The following BNC2 variants were observed in gnomAD, a reference collection of about 807,000 sequenced individuals.
The protein encoded by BNC2 is zinc finger protein basonuclin-2.
In BNC2, 20 loss-of-function variants were observed where a neutral mutation model predicts 76.3. That is an observed-to-expected ratio of 0.26 (90% CI 0.18 to 0.38). The LOEUF (loss-of-function observed/expected upper bound fraction) is 0.38. BNC2 is among the 10% of genes least tolerant of loss of function. The probability of loss-of-function intolerance (pLI) is 1.00; values close to 1 mark genes in which losing one functional copy is unlikely to be tolerated. For synonymous variants in BNC2, 582 were observed against 514.8 expected, an observed-to-expected ratio of 1.13 and a Z score of -1.77; for missense variants, 1,382 against 1,399.8, an observed-to-expected ratio of 0.99 and a Z score of 0.20.
Position 16,582,503 on chromosome 9 carries a change from G to A in BNC2, c.433+480C>T, listed in dbSNP as rs570397701. On this transcript the variant is annotated intron_variant, in intron 4 of 6. Coordinates refer to ENST00000380672, the MANE Select transcript of BNC2 (RefSeq NM_017637.6). ...CAGATACCAGCCAAATAATGTTCCC[G>A]TTCACTCTCTCGTCCACCTGAGACC... 1.2e-4 allele frequency among the ~76,000 whole-genome samples: 18 copies of A among 152,220 alleles called. No individual in the cohort carries two copies. In the South Asian group the frequency reaches 2.5e-3, roughly 21 times the overall value.
At position 16,487,793 on chromosome 9, in the gene BNC2, A is replaced by C. The variant is rs151173095; in HGVS notation, c.670-50269T>G. Among the ~76,000 whole-genome samples the C allele has an allele frequency of 2.8e-4, 42 of 152,346 alleles. No individual in the cohort carries two copies. In the East Asian group the frequency reaches 8.1e-3, roughly 29 times the overall value. ...ATAAACATTTCTCTGGGTCCCCCTTAACAAGGAAAGCAGCCATATGAAATA... is the reference window on the plus strand; with the variant it reads ...ATAAACATTTCTCTGGGTCCCCCTTCACAAGGAAAGCAGCCATATGAAATA... On this transcript the variant is annotated intron_variant, in intron 5 of 6. Transcript: ENST00000380672.
rs1269374500 is a variant in BNC2 at position 16,412,928 on chromosome 9, C to T, written c.*6061G>A. 6.6e-6 allele frequency: 1 copy of T among 152,658 alleles called. No homozygotes were observed. Among genetic ancestry groups the T allele is most frequent in the African/African-American group, 2.4e-5 (1 of 41,458 alleles). 9.5% of individuals were successfully genotyped at this position (152,658 alleles called of 1,614,324 possible). ...GAAAGCACACTATTAGTTTGTGTCC[C>T]TTCAGGGCCAGGGCAATAAGTAGCC... On this transcript the variant is annotated 3_prime_UTR_variant, in exon 7 of 7. Coordinates refer to ENST00000380672, the MANE Select transcript of BNC2 (RefSeq NM_017637.6).
At chr9:16,680,201 T>C (rs1269594622) in intron 3 of BNC2, among the ~76,000 whole-genome samples, 2 of 151,698 alleles carry the variant, frequency 1.3e-5, no homozygotes, top group African/African-American at 4.8e-5. Flanking sequence ...GAGGATTTAA[T>C]CTTTTCAGGG....
chr9:16,804,821 T>C (rs1035120348), intron 1 of BNC2, among the ~76,000 whole-genome samples: 4 of 152,048 alleles, frequency 2.6e-5, no homozygotes, highest in African/African-American at 9.7e-5. Context: ...CCCAGCACTT[T>C]GGGAGGCCGA....
intron 1 of BNC2, among the ~76,000 whole-genome samples, chr9:16,858,737 T>G (rs1041266103): frequency 5.9e-5 from 9 of 151,624 alleles, no homozygotes; most frequent in African/African-American, 2.2e-4. Context: ...TCCCAGCTAC[T>G]CGGGAGGCTG....
intron 1 of BNC2, among the ~76,000 whole-genome samples, chr9:16,760,410 A>G (rs565447547): frequency 6.6e-6 from 1 of 152,344 alleles, no homozygotes; most frequent in Admixed American, 6.5e-5. Flanking sequence ...ATGGTCCTTT[A>G]AAGTTCAACC....
chr9:16,516,381 AAACT>A (rs902771781), intron 5 of BNC2, among the ~76,000 whole-genome samples: 5 of 152,254 alleles, frequency 3.3e-5, no homozygotes, highest in Non-Finnish European at 7.4e-5. Flanking sequence ...AAAAAAAAAA[AAACT>A]AACCACACTA....
intron 1 of BNC2, among the ~76,000 whole-genome samples, chr9:16,808,106 A>G (rs893241984): frequency 2.0e-5 from 3 of 152,226 alleles, no homozygotes; most frequent in African/African-American, 7.2e-5. Flanking sequence ...TCACCTATTT[A>G]AAGAATAACA....
intron 5 of BNC2, among the ~76,000 whole-genome samples, chr9:16,463,018 T>C (rs1422057129): frequency 1.3e-5 from 2 of 152,088 alleles, no homozygotes; most frequent in African/African-American, 4.8e-5. Flanking sequence ...ACCCATTTCC[T>C]TCTTTCCTCA....
rs576236884 is a variant in BNC2, at chr9:16,673,394, C to T, written c.330+54403G>A. Among the ~76,000 whole-genome samples the T allele has an allele frequency of 6.2e-3, 477 of 77,048 alleles. 1 individual carries two copies. The highest frequency in any genetic ancestry group is 0.024 in the African/African-American group (458 of 18,764). The allele number at this position is 77,048 out of a possible 152,430, so 50.5% of individuals were successfully genotyped here. On this transcript the variant is annotated intron_variant, in intron 3 of 6. Coordinates refer to ENST00000380672, the MANE Select transcript of BNC2 (RefSeq NM_017637.6). ...TTCTAGGGTGAGTAGATGAATGATT[C>T]AAAAAGAATAAACTCCCAGGGAACA...
intron 5 of BNC2, among the ~76,000 whole-genome samples, chr9:16,542,183 T>C (rs905823279): frequency 6.6e-6 from 1 of 152,110 alleles, no homozygotes; most frequent in Non-Finnish European, 1.5e-5. Context: ...CCTTTGGTTC[T>C]CAAAGTCTTT....
intron 3 of BNC2, among the ~76,000 whole-genome samples, chr9:16,697,981 T>A (rs891594578): frequency 2.6e-5 from 4 of 152,290 alleles, no homozygotes; most frequent in African/African-American, 9.6e-5. Context: ...CATCCCAAAT[T>A]AGTTTCTACT....
chr9:16,418,155 T>C lies in BNC2; in HGVS notation c.*834A>G, dbSNP rs1016281162. Reference sequence around the variant, plus strand: ...AGCATGGTTATTACACATCCCCTTGTAGTGTATGAAAAAAAGTGCATGACG... The same window carrying C: ...AGCATGGTTATTACACATCCCCTTGCAGTGTATGAAAAAAAGTGCATGACG... On this transcript the variant is annotated 3_prime_UTR_variant, in exon 7 of 7. Transcript: ENST00000380672. 2.1e-4 allele frequency: 32 copies of C among 152,638 alleles called. No individual in the cohort carries two copies. The highest frequency in any genetic ancestry group is 7.5e-4 in the African/African-American group (31 of 41,456). 9.5% of individuals were successfully genotyped at this position (152,638 alleles called of 1,614,324 possible).
intron 1 of BNC2, among the ~76,000 whole-genome samples, chr9:16,774,828 G>C (rs1409964164): frequency 1.3e-5 from 2 of 152,272 alleles, no homozygotes; most frequent in East Asian, 3.9e-4. Context: ...AGTGCTTTAA[G>C]CCTCTGGATG....
chr9:16,863,832 C>T (rs1216072521), intron 1 of BNC2, among the ~76,000 whole-genome samples: 1 of 151,992 alleles, frequency 6.6e-6, no homozygotes, highest in Non-Finnish European at 1.5e-5. Context: ...TGGAGAACCC[C>T]AAAAGAGTTT....
intron 3 of BNC2, among the ~76,000 whole-genome samples, chr9:16,659,319 T>A (rs2134030211): frequency 6.6e-6 from 1 of 152,102 alleles, no homozygotes; most frequent in East Asian, 1.9e-4. Context: ...CTTCTCAAAA[T>A]CCCAAGCTTG....
chr9:16,661,443 G>A (rs58369469), intron 3 of BNC2, among the ~76,000 whole-genome samples: 7,507 of 151,904 alleles, frequency 0.049, 678 homozygotes, highest in African/African-American at 0.17. Context: ...ATACTATATA[G>A]CTGTATGTTA....
At chr9:16,615,034 C>T (rs1172251623) in intron 3 of BNC2, among the ~76,000 whole-genome samples, 1 of 139,098 alleles carries the variant, frequency 7.2e-6, no homozygotes, top group Non-Finnish European at 1.5e-5. Context: ...TTTCCACATA[C>T]AAGAACAGTC....
intron 3 of BNC2, among the ~76,000 whole-genome samples, chr9:16,699,866 A>C (rs1823455580): frequency 6.6e-6 from 1 of 152,250 alleles, no homozygotes; most frequent in Non-Finnish European, 1.5e-5. Flanking sequence ...AAAGAGCTAC[A>C]TAAATTCCCA....
Sources: allele counts gnomAD v4.1 joint callset (sites outside exome capture counted in the v4.1 genomes callset), GRCh38; gene constraint gnomAD v4.1.1; transcripts MANE v1.5; gene names NCBI Gene and HGNC (gene_info 2026-07-23, HGNC 2026-07-21).